The following LRPPRC variants were observed in gnomAD, a reference collection of about 807,000 sequenced individuals.
The protein encoded by LRPPRC is leucine-rich PPR motif-containing protein, mitochondrial.
LRPPRC carries 120 observed loss-of-function variants against 180.3 expected under a neutral mutation model. That is an observed-to-expected ratio of 0.67 (90% CI 0.57 to 0.77). The LOEUF is 0.77. Ranked by LOEUF, LRPPRC falls within the 30% of genes least tolerant of loss-of-function variation. The pLI is 0.00. For missense variants in LRPPRC, 2,012 were observed against 1,657.2 expected (o/e 1.21, Z -3.72); for synonymous variants, 723 against 600.0 (o/e 1.21, Z -3.00).
At chr2:43,969,041 G>A (rs1294532168) in intron 11 of LRPPRC, among the ~76,000 whole-genome samples, 1 of 152,078 alleles carries the variant, frequency 6.6e-6, no homozygotes, top group Non-Finnish European at 1.5e-5. Context: ...TTTAAAAGTG[G>A]GGTAAAGAAA....
At position 43,982,300 on chromosome 2, in the gene LRPPRC, C is replaced by T. The variant is rs546209070; in HGVS notation, c.284G>A (p.Arg95Gln). 32 of 1,589,632 alleles carry T rather than the reference C, an allele frequency of 2.0e-5. 1 individual carries two copies. The East Asian group carries it at 4.3e-4, about 21-fold the overall frequency. Residue 95 changes from arginine (R) to glutamine (Q), a missense_variant, in exon 2 of 38, where the codon CGA (arginine) becomes CAA (glutamine). Arg to Gln is a conservative substitution (Grantham distance 43). Coordinates refer to ENST00000260665, the MANE Select transcript of LRPPRC (RefSeq NM_133259.4). ...WALMRLDLSV[R>Q]RTGRIPKKLL... ...CTTCTTTGGAATGCGGCCAGTTCTT[C>T]GAACAGAAAGATCTAGTCTCATTAG...
chr2:43,948,406 T>C lies in LRPPRC; in HGVS notation c.1842+6A>G, dbSNP rs761034621. 1.3e-6 allele frequency: 2 copies of C among 1,590,958 alleles called. No homozygotes were observed. Among genetic ancestry groups the C allele is most frequent in the African/African-American group, 1.3e-5 (1 of 74,514 alleles). On this transcript the variant is annotated splice_donor_region_variant and intron_variant, in intron 17 of 37. Coordinates refer to ENST00000260665, the MANE Select transcript of LRPPRC (RefSeq NM_133259.4). ...AGGCATTATATAGCAAAAAACGAAA[T>C]GGTACCATCTTCTCCAGCTGATGGA...
intron 25 of LRPPRC, among the ~76,000 whole-genome samples, chr2:43,931,734 TA>T (rs1398431628): frequency 6.6e-6 from 1 of 152,150 alleles, no homozygotes; most frequent in Non-Finnish European, 1.5e-5. Flanking sequence ...AGGTACAAGA[TA>T]AATGAAGCTC....
rs747145260 is a variant in LRPPRC at position 43,946,203 on chromosome 2, G to A, written c.2120C>T (p.Ser707Phe). The A allele has an allele frequency of 1.9e-6, 3 of 1,610,974 alleles. No homozygotes were observed. Among genetic ancestry groups the A allele is most frequent in the Non-Finnish European group, 2.5e-6 (3 of 1,177,568 alleles). The change falls in exon 21 of 38, where the codon TCC (serine) becomes TTC (phenylalanine). Residue 707 changes from serine to phenylalanine, a missense_variant. Coordinates refer to ENST00000260665, the MANE Select transcript of LRPPRC (RefSeq NM_133259.4). The stretch of plus-strand genomic sequence containing the variant: ...TGCATAGCCACCAGTAACCATGTCG[G>A]ATTCATATTTTGCTTTCAATTCAAG... ...KALELKAKYE[S>F]DMVTGGYAAL...
At chr2:43,986,129 AT>A (rs2103759298) in intron 1 of LRPPRC, among the ~76,000 whole-genome samples, 1 of 151,910 alleles carries the variant, frequency 6.6e-6, no homozygotes, top group African/African-American at 2.4e-5. Flanking sequence ...TTTTCTGCCC[AT>A]TTTTATTTAT....
At chr2:43,994,653 T>A (rs1173126464) in intron 1 of LRPPRC, among the ~76,000 whole-genome samples, 6 of 152,150 alleles carry the variant, frequency 3.9e-5, no homozygotes, top group Non-Finnish European at 8.8e-5. Context: ...TTACGCGAGC[T>A]CTCAAAGTAC....
At chr2:43,959,861 G>A (rs1673267734) in intron 13 of LRPPRC, among the ~76,000 whole-genome samples, 1 of 152,218 alleles carries the variant, frequency 6.6e-6, no homozygotes, top group Admixed American at 6.5e-5. Context: ...TCCAGCCTAG[G>A]TGACAGAGTG....
Position 43,974,758 on chromosome 2 carries a change from T to C in LRPPRC, c.865A>G (p.Thr289Ala). 1 of 1,612,742 alleles carries C rather than the reference T, an allele frequency of 6.2e-7. No homozygotes were observed. The highest frequency in any genetic ancestry group is 8.5e-7 in the Non-Finnish European group (1 of 1,179,136). Residue 289 changes from threonine to alanine, a missense_variant and splice_region_variant, in exon 8 of 38, where the codon ACT (threonine) becomes GCT (alanine). Transcript: ENST00000260665. ...EKGDIDHVKQ[T>A]LEKVEKSELH... The stretch of plus-strand genomic sequence containing the variant: ...TCGGACTTCTCCACCTTCTCCAGAG[T>C]CTATAGAGAGTTCCAGAAATTAGAA...
At chr2:43,975,456 CTT>C (rs1298373428) in intron 6 of LRPPRC, among the ~76,000 whole-genome samples, 1 of 152,130 alleles carries the variant, frequency 6.6e-6, no homozygotes, top group Non-Finnish European at 1.5e-5. Context: ...AACATACCCT[CTT>C]AATATTATGT....
intron 12 of LRPPRC, among the ~76,000 whole-genome samples, chr2:43,963,337 G>A (rs780302994): frequency 3.3e-5 from 5 of 152,156 alleles, no homozygotes; most frequent in South Asian, 2.1e-4. Context: ...CCAGCTACTC[G>A]GGAGGCTGAG....
intron 30 of LRPPRC, among the ~76,000 whole-genome samples, chr2:43,906,020 GA>G (rs745581243): frequency 6.6e-6 from 1 of 152,066 alleles, no homozygotes; most frequent in Non-Finnish European, 1.5e-5. Context: ...CAAAGTACAA[GA>G]TTTTTTTTAA....
At chr2:43,916,592 C>G (rs987323508) in intron 29 of LRPPRC, among the ~76,000 whole-genome samples, 2 of 152,104 alleles carry the variant, frequency 1.3e-5, no homozygotes, top group African/African-American at 4.8e-5. Flanking sequence ...TCAAAAAATA[C>G]TTTTAATAAA....
In LRPPRC at chr2:43,887,837, A is replaced by ATAAAG. The variant is rs1265861317; in HGVS notation, c.*758_*762dup. On this transcript the variant is annotated 3_prime_UTR_variant, in exon 38 of 38. Transcript: ENST00000260665. ...AATCACATCTTTTCAGGATATGAGT[A>ATAAAG]TAAAGTAACAAGCCTAGGGCAGAGC... 6.6e-6 allele frequency: 1 copy of ATAAAG among 152,238 alleles called. No homozygotes were observed. The highest frequency in any genetic ancestry group is 2.4e-5 in the African/African-American group (1 of 41,454). 9.4% of individuals were successfully genotyped at this position (152,238 alleles called of 1,614,324 possible).
chr2:43,943,553 T>C, intron 23 of LRPPRC, 134 bp downstream of exon 23: 1 of 728,222 alleles, frequency 1.4e-6, no homozygotes, highest in Non-Finnish European at 2.4e-6. Context: ...CTAGTTCATA[T>C]TAGCCCTCTT....
chr2:43,989,419 T>G (rs1674675681), intron 1 of LRPPRC, among the ~76,000 whole-genome samples: 1 of 152,226 alleles, frequency 6.6e-6, no homozygotes, highest in Non-Finnish European at 1.5e-5. Context: ...ATGTCTCCTG[T>G]GTCTCACCTA....
chr2:43,940,141 A>C (rs1672427231), intron 23 of LRPPRC, among the ~76,000 whole-genome samples: 1 of 152,174 alleles, frequency 6.6e-6, no homozygotes, highest in African/African-American at 2.4e-5. Context: ...CTGTCCCCCT[A>C]GGGCAAATGA....
intron 11 of LRPPRC, among the ~76,000 whole-genome samples, chr2:43,970,868 G>A (rs1673773161): frequency 6.6e-6 from 1 of 152,196 alleles, no homozygotes; most frequent in Non-Finnish European, 1.5e-5. Flanking sequence ...GGGAGGCTGT[G>A]GCGGGTGATC....
At position 43,894,569 on chromosome 2, in the gene LRPPRC, A is replaced by G. The variant is rs1670613806; in HGVS notation, c.3961T>C (p.Tyr1321His). 5 of 1,554,252 alleles carry G rather than the reference A, an allele frequency of 3.2e-6. No individual in the cohort carries two copies. Among genetic ancestry groups the G allele is most frequent in the East Asian group, 2.3e-5 (1 of 44,400 alleles). The change falls in exon 36 of 38, where the codon TAC becomes CAC. Residue 1321 changes from tyrosine to histidine, a missense_variant. Physicochemically the swap from Tyr to His is moderately conservative, Grantham distance 83. Transcript: ENST00000260665. ...CCATAGCTTTTCATGAGGGAATTGTATGCTTCTTCCTTTTCATTTAATTCA... is the reference window on the plus strand; with the variant it reads ...CCATAGCTTTTCATGAGGGAATTGTGTGCTTCTTCCTTTTCATTTAATTCA... ...IPELNEKEEA[Y>H]NSLMKSYVSE...
At chr2:43,925,205 T>G (rs764135300) in intron 26 of LRPPRC, 48 bp from the exon 27 acceptor site, 65 of 959,654 alleles carry the variant, frequency 6.8e-5, no homozygotes, top group Non-Finnish European at 1.1e-4. Flanking sequence ...AAAGGATGTA[T>G]TTTACAGTTA....
Sources: allele counts gnomAD v4.1 joint callset (sites outside exome capture counted in the v4.1 genomes callset), GRCh38; gene constraint gnomAD v4.1.1; transcripts MANE v1.5; gene names NCBI Gene and HGNC (gene_info 2026-07-23, HGNC 2026-07-21).